EDIL3: variants seen among roughly 807,000 people sequenced by gnomAD.
EDIL3 encodes EGF like and discoidin domains 3, also known as EGF-like repeat and discoidin I-like domain-containing protein 3.
In EDIL3, 37 loss-of-function variants were observed where a neutral mutation model predicts 67.4. The observed-to-expected ratio is 0.55, with a 90% CI of 0.42 to 0.72. EDIL3 has a LOEUF of 0.72. EDIL3 is among the 30% of genes least tolerant of loss of function. The pLI is 0.00. For missense variants in EDIL3, 527 were observed against 586.3 expected (o/e 0.90, Z 1.04); for synonymous variants, 195 against 196.3 (o/e 0.99, Z 0.05).
chr5:84,262,867 C>T (rs1290652868), intron 1 of EDIL3, among the ~76,000 whole-genome samples: 2 of 151,484 alleles, frequency 1.3e-5, no homozygotes, highest in African/African-American at 4.9e-5. Context: ...TATGGGGTTT[C>T]ACTGTGTTGT....
At chr5:84,182,284 C>T (rs1324830025) in intron 3 of EDIL3, among the ~76,000 whole-genome samples, 1 of 150,870 alleles carries the variant, frequency 6.6e-6, no homozygotes, top group Admixed American at 6.6e-5. Context: ...CACACACACA[C>T]ACACACACAC....
intron 3 of EDIL3, among the ~76,000 whole-genome samples, chr5:84,192,419 A>G (rs1012395067): frequency 5.3e-5 from 8 of 151,964 alleles, no homozygotes; most frequent in African/African-American, 1.9e-4. Context: ...TCTACCACCT[A>G]AAGATCATTT....
In EDIL3 at chr5:84,257,784, T is replaced by G. The variant is rs113474413; in HGVS notation, c.68-3572A>C. Among the ~76,000 whole-genome samples the G allele has an allele frequency of 3.2e-3, 492 of 152,268 alleles. 2 individuals are homozygous for G. The highest frequency in any genetic ancestry group is 0.011 in the African/African-American group (465 of 41,560). ...ACTTGTTAAGTATGAAGGTTAATAC[T>G]ATATTTCACTGAGTCTATTAAGGGA... On this transcript the variant is annotated intron_variant, in intron 1 of 10. Transcript: ENST00000296591.
intron 4 of EDIL3, among the ~76,000 whole-genome samples, chr5:84,140,392 G>GT (rs1748168346): frequency 6.6e-6 from 1 of 152,086 alleles, no homozygotes; most frequent in Non-Finnish European, 1.5e-5. Context: ...AGACACTGCT[G>GT]TTTTTTGCCT....
chr5:84,312,240 A>C (rs1580071203), intron 1 of EDIL3, among the ~76,000 whole-genome samples: 1 of 107,460 alleles, frequency 9.3e-6, no homozygotes, highest in African/African-American at 3.8e-5. Context: ...TGGGGGGCTG[A>C]CCCCCCCACC....
intron 4 of EDIL3, among the ~76,000 whole-genome samples, chr5:84,176,198 AATAT>A (rs561062432): frequency 0.18 from 14,045 of 76,806 alleles, 875 homozygotes; most frequent in East Asian, 0.31. Flanking sequence ...ATATATATAT[AATAT>A]ATATATATAT....
At chr5:84,257,971 T>C (rs1745151383) in intron 1 of EDIL3, among the ~76,000 whole-genome samples, 2 of 152,308 alleles carry the variant, frequency 1.3e-5, no homozygotes, top group South Asian at 4.1e-4. Context: ...GTTCAGTTTA[T>C]TAAACTGTGG....
At chr5:84,064,215 T>G (rs545429115) in intron 8 of EDIL3, among the ~76,000 whole-genome samples, 2 of 152,206 alleles carry the variant, frequency 1.3e-5, no homozygotes, top group African/African-American at 4.8e-5. Context: ...AATTAAATGT[T>G]TCATAAAACC....
intron 1 of EDIL3, among the ~76,000 whole-genome samples, chr5:84,283,222 G>A (rs901480286): frequency 5.3e-5 from 8 of 152,028 alleles, no homozygotes; most frequent in African/African-American, 1.9e-4. Context: ...TCCCATATTG[G>A]TATTTAATAG....
intron 4 of EDIL3, among the ~76,000 whole-genome samples, chr5:84,177,876 C>T (rs1403491935): frequency 2.6e-5 from 4 of 152,120 alleles, no homozygotes; most frequent in Non-Finnish European, 5.9e-5. Flanking sequence ...ATATTTGTCA[C>T]TCCTGTATCA....
chr5:84,297,393 G>A (rs1324490975), intron 1 of EDIL3, among the ~76,000 whole-genome samples: 1 of 152,156 alleles, frequency 6.6e-6, no homozygotes, highest in East Asian at 1.9e-4. Context: ...AGATGCTGAT[G>A]AGGTTTCAGA....
chr5:84,269,837 C>T (rs1191909327), intron 1 of EDIL3, among the ~76,000 whole-genome samples: 1 of 152,138 alleles, frequency 6.6e-6, no homozygotes, highest in Non-Finnish European at 1.5e-5. Context: ...ACTACCTGGC[C>T]TGCCATCTTC....
chr5:84,006,308 G>A (rs80211571), intron 9 of EDIL3, among the ~76,000 whole-genome samples: 1,916 of 151,914 alleles, frequency 0.013, 19 homozygotes, highest in Non-Finnish European at 0.02. Context: ...AAACTTCCAT[G>A]ACATTCTTCA....
chr5:84,286,080 A>G (rs1745801220), intron 1 of EDIL3, among the ~76,000 whole-genome samples: 1 of 152,080 alleles, frequency 6.6e-6, no homozygotes, highest in Non-Finnish European at 1.5e-5. Flanking sequence ...TTTTTGCTTT[A>G]GCTCTAGGCT....
chr5:84,356,885 C>CTTTTTTTTTTTTTT, intron 1 of EDIL3, among the ~76,000 whole-genome samples: 1 of 39,344 alleles, frequency 2.5e-5, no homozygotes, highest in Admixed American at 2.5e-4. Context: ...AACAATCTTT[C>CTTTTTTTTTTTTTT]TTTCTTTTTT....
At chr5:84,307,736 C>A (rs1020338357) in intron 1 of EDIL3, among the ~76,000 whole-genome samples, 1 of 151,524 alleles carries the variant, frequency 6.6e-6, no homozygotes, top group Non-Finnish European at 1.5e-5. Context: ...GCAGCCTGTA[C>A]AAGAGAGATA....
intron 1 of EDIL3, among the ~76,000 whole-genome samples, chr5:84,290,456 T>G (rs148598600): frequency 0.022 from 3,284 of 152,298 alleles, 46 homozygotes; most frequent in Non-Finnish European, 0.031. Context: ...ACTGAGTGTC[T>G]GTGCTACCGA....
At chr5:84,247,589 C>G (rs1308137659) in intron 2 of EDIL3, among the ~76,000 whole-genome samples, 1 of 151,826 alleles carries the variant, frequency 6.6e-6, no homozygotes, top group Admixed American at 6.6e-5. Context: ...AGCTGAGGAA[C>G]AGATTATTAG....
rs180808414 is a variant in EDIL3, at chr5:84,145,428, G to C, written c.356-8074C>G. ...AGTCTGGGACCAGATTTTTATGGCC[G>C]TATCAATCAACTTAAGGAGTTTGAA... On this transcript the variant is annotated intron_variant, in intron 4 of 10. Transcript: ENST00000296591. 4.9e-4 allele frequency among the ~76,000 whole-genome samples: 75 copies of C among 152,202 alleles called. 1 individual carries two copies. The South Asian group carries it at 0.011, about 21-fold the overall frequency.
Sources: gnomAD v4.1 joint callset for allele counts (sites outside exome capture counted in the v4.1 genomes callset) on GRCh38, gnomAD v4.1.1 for gene constraint, MANE v1.5 for transcripts, NCBI Gene and HGNC (gene_info 2026-07-23, HGNC 2026-07-21) for gene names.